Variants in DSCAM observed in about 807,000 individuals in gnomAD.
DSCAM encodes DS cell adhesion molecule.
In DSCAM, 47 loss-of-function variants were observed where a neutral mutation model predicts 217.7. The ratio of observed to expected loss-of-function variants is 0.22; its 90% CI spans 0.17 to 0.28. The LOEUF is 0.28. Among genes scored for constraint, DSCAM ranks in the 10% least tolerant of loss-of-function variants. The pLI is 1.00. For synonymous variants in DSCAM, 1,056 were observed against 1,015.3 expected, an observed-to-expected ratio of 1.04 and a Z score of -0.76; for missense variants, 2,080 against 2,618.3, an observed-to-expected ratio of 0.79 and a Z score of 4.49.
intron 3 of DSCAM, among the ~76,000 whole-genome samples, chr21:40,413,919 A>T (rs2075346597): frequency 6.6e-6 from 1 of 152,200 alleles, no homozygotes; most frequent in South Asian, 2.1e-4. Flanking sequence ...AAACTAAGAA[A>T]TCTGTATGGC....
intron 3 of DSCAM, among the ~76,000 whole-genome samples, chr21:40,378,439 C>A (rs1397845579): frequency 6.6e-6 from 1 of 152,100 alleles, no homozygotes; most frequent in Non-Finnish European, 1.5e-5. Flanking sequence ...GTGAGACTTG[C>A]ATACTTTTCA....
intron 20 of DSCAM, among the ~76,000 whole-genome samples, chr21:40,119,838 C>G (rs1012971119): frequency 6.6e-6 from 1 of 151,720 alleles, no homozygotes; most frequent in African/African-American, 2.4e-5. Context: ...ATGAACACAG[C>G]GATGAGTATC....
intron 11 of DSCAM, among the ~76,000 whole-genome samples, chr21:40,206,947 GATTT>G (rs1296926592): frequency 6.6e-6 from 1 of 152,086 alleles, no homozygotes; most frequent in Admixed American, 6.5e-5. Flanking sequence ...AAATTTAGGT[GATTT>G]ATTTTCCATT....
chr21:40,572,083 T>TGG (rs745465658), intron 3 of DSCAM, among the ~76,000 whole-genome samples: 24 of 73,592 alleles, frequency 3.3e-4, no homozygotes, highest in African/African-American at 1.1e-3. Flanking sequence ...TGTGTGTGTG[T>TGG]GGGTGTGTGT....
chr21:40,587,065 TTAAAA>T (rs375247029), intron 3 of DSCAM, among the ~76,000 whole-genome samples: 3 of 149,774 alleles, frequency 2.0e-5, no homozygotes, highest in African/African-American at 7.3e-5. Flanking sequence ...ATTATTATAC[TTAAAA>T]TAATCTTGTG....
intron 32 of DSCAM, among the ~76,000 whole-genome samples, chr21:40,025,302 T>C (rs950689151): frequency 7.2e-6 from 1 of 139,144 alleles, no homozygotes; most frequent in African/African-American, 2.8e-5. Flanking sequence ...TTTGCATCAA[T>C]GTTCATCAAG....
rs28455681 is a variant in DSCAM, at chr21:40,126,295, A to T, written c.3563-1967T>A. Among the ~76,000 whole-genome samples, 395 of 152,080 alleles carry T rather than the reference A, an allele frequency of 2.6e-3. 1 individual carries two copies. Among genetic ancestry groups the T allele is most frequent in the African/African-American group, 9.4e-3 (388 of 41,484 alleles). On this transcript the variant is annotated intron_variant, in intron 19 of 32. Transcript: ENST00000400454. Reference sequence around the variant, plus strand: ...AAGAAAGGAAGGAAGGAAGGAGGGAAGGAAGAAGGGAAGACAAAAGGAAAG... The same window carrying T: ...AAGAAAGGAAGGAAGGAAGGAGGGATGGAAGAAGGGAAGACAAAAGGAAAG...
intron 28 of DSCAM, among the ~76,000 whole-genome samples, chr21:40,059,173 A>AT (rs1245691982): frequency 2.0e-5 from 3 of 152,268 alleles, no homozygotes; most frequent in Non-Finnish European, 4.4e-5. Flanking sequence ...TAGGGTAGAG[A>AT]TTTTTTATTA....
chr21:40,589,600 A>T (rs1262124914), intron 3 of DSCAM, among the ~76,000 whole-genome samples: 1 of 152,194 alleles, frequency 6.6e-6, no homozygotes, highest in Non-Finnish European at 1.5e-5. Flanking sequence ...AAAAACACAC[A>T]AAAAACAAAA....
At chr21:40,627,287 C>T (rs2089614391) in intron 3 of DSCAM, among the ~76,000 whole-genome samples, 1 of 152,154 alleles carries the variant, frequency 6.6e-6, no homozygotes, top group Non-Finnish European at 1.5e-5. Flanking sequence ...ACAGTGATAG[C>T]TGAGTGGACC....
chr21:40,421,975 T>C (rs62223840), intron 3 of DSCAM, among the ~76,000 whole-genome samples: 11,246 of 152,242 alleles, frequency 0.074, 647 homozygotes, highest in African/African-American at 0.16. Context: ...ATGTAATGCA[T>C]ATGGAGGAGA....
chr21:40,288,174 A>G (rs538601871), intron 10 of DSCAM, among the ~76,000 whole-genome samples: 2 of 152,326 alleles, frequency 1.3e-5, no homozygotes, highest in South Asian at 4.1e-4. Context: ...CCGCCCAGAA[A>G]ACCAAGGAGG....
At chr21:40,354,882 T>C (rs866434185) in intron 4 of DSCAM, among the ~76,000 whole-genome samples, 52 of 143,726 alleles carry the variant, frequency 3.6e-4, no homozygotes, top group African/African-American at 1.3e-3. Flanking sequence ...AAGAGCAACA[T>C]AAGCAGAAAT....
At chr21:40,439,624 C>A (rs1440755399) in intron 3 of DSCAM, among the ~76,000 whole-genome samples, 1 of 152,134 alleles carries the variant, frequency 6.6e-6, no homozygotes, top group African/African-American at 2.4e-5. Flanking sequence ...TCTGCTTTTA[C>A]AATGCTGATA....
At chr21:40,445,236 C>T (rs531958944) in intron 3 of DSCAM, among the ~76,000 whole-genome samples, 78 of 152,244 alleles carry the variant, frequency 5.1e-4, no homozygotes, top group Non-Finnish European at 6.5e-4. Flanking sequence ...TATTAGGTTC[C>T]AACATATGAA....
intron 3 of DSCAM, among the ~76,000 whole-genome samples, chr21:40,524,167 G>A (rs572824708): frequency 4.6e-5 from 7 of 152,132 alleles, no homozygotes; most frequent in African/African-American, 1.7e-4. Flanking sequence ...TGAGAGCTAA[G>A]AAAATTTAGA....
At chr21:40,623,195 G>A (rs1032642255) in intron 3 of DSCAM, among the ~76,000 whole-genome samples, 2 of 151,810 alleles carry the variant, frequency 1.3e-5, no homozygotes, top group Non-Finnish European at 1.5e-5. Flanking sequence ...CGGGGCCCTG[G>A]CTGACTCATT....
chr21:40,297,068 G>T (rs1301234120), intron 9 of DSCAM, among the ~76,000 whole-genome samples: 1 of 152,104 alleles, frequency 6.6e-6, no homozygotes, highest in African/African-American at 2.4e-5. Context: ...CGTTATGCCA[G>T]ATGTCAGCAC....
At chr21:40,080,782 C>G (rs560221301) in intron 24 of DSCAM, among the ~76,000 whole-genome samples, 1 of 152,180 alleles carries the variant, frequency 6.6e-6, no homozygotes, top group Non-Finnish European at 1.5e-5. Context: ...TGCCTCACTC[C>G]TCATGTACTC....
Sources: gnomAD v4.1 joint callset for allele counts (sites outside exome capture counted in the v4.1 genomes callset) on GRCh38, gnomAD v4.1.1 for gene constraint, MANE v1.5 for transcripts, NCBI Gene and HGNC (gene_info 2026-07-23, HGNC 2026-07-21) for gene names.